Variants in AFAP1L2 observed in about 807,000 individuals in gnomAD.
AFAP1L2 encodes actin filament associated protein 1 like 2.
In AFAP1L2, 46 loss-of-function variants were observed where a neutral mutation model predicts 99.3. The observed-to-expected ratio is 0.46, with a 90% CI of 0.37 to 0.59. The LOEUF (loss-of-function observed/expected upper bound fraction) is 0.59, where lower values mean the gene tolerates loss of function less well. Ranked by LOEUF, AFAP1L2 falls within the 20% of genes least tolerant of loss-of-function variation. The probability of loss-of-function intolerance (pLI) is 0.00; values close to 1 mark genes in which losing one functional copy is unlikely to be tolerated. For synonymous variants in AFAP1L2, 397 were observed against 419.1 expected (o/e 0.95, Z 0.64); for missense variants, 959 against 1,034.9 (o/e 0.93, Z 1.01).
At chr10:114,319,739 C>T in intron 5 of AFAP1L2, 1 of 935,010 alleles carries the variant, frequency 1.1e-6, no homozygotes, top group Admixed American at 2.5e-5. Flanking sequence ...AAGAGAGAGA[C>T]CCAGATGTGG....
chr10:114,382,603 T>C (rs2137485669), intron 1 of AFAP1L2, among the ~76,000 whole-genome samples: 2 of 147,736 alleles, frequency 1.4e-5, no homozygotes, highest in African/African-American at 5.0e-5. Flanking sequence ...TTTTTTTTTT[T>C]TTTTTTTGAG....
intron 2 of AFAP1L2, among the ~76,000 whole-genome samples, chr10:114,336,366 C>T (rs1371103099): frequency 6.6e-6 from 1 of 152,230 alleles, no homozygotes; most frequent in African/African-American, 2.4e-5. Flanking sequence ...AACTATCTGA[C>T]GAAGTGCATT....
At chr10:114,337,460 G>A (rs1482263337) in intron 2 of AFAP1L2, among the ~76,000 whole-genome samples, 2 of 152,248 alleles carry the variant, frequency 1.3e-5, no homozygotes, top group African/African-American at 2.4e-5. Flanking sequence ...CTATTAACAA[G>A]TGGGCTTCGC....
intron 6 of AFAP1L2, among the ~76,000 whole-genome samples, chr10:114,314,375 G>A (rs936602246): frequency 1.3e-5 from 2 of 152,186 alleles, no homozygotes; most frequent in Non-Finnish European, 1.5e-5. Context: ...TGTGTTCACC[G>A]TTCAGTTCTC....
At chr10:114,396,522 G>A (rs1047104765) in intron 1 of AFAP1L2, among the ~76,000 whole-genome samples, 9 of 152,238 alleles carry the variant, frequency 5.9e-5, no homozygotes, top group African/African-American at 1.7e-4. Context: ...GTGTTATTTC[G>A]ATAAATCATG....
chr10:114,328,881 T>G (rs2046827745), intron 4 of AFAP1L2, among the ~76,000 whole-genome samples: 1 of 152,120 alleles, frequency 6.6e-6, no homozygotes, highest in South Asian at 2.1e-4. Flanking sequence ...CCACACCACA[T>G]CTGGAACACC....
chr10:114,387,053 T>C (rs1304864054), intron 1 of AFAP1L2, among the ~76,000 whole-genome samples: 1 of 152,172 alleles, frequency 6.6e-6, no homozygotes, highest in African/African-American at 2.4e-5. Context: ...CACCCAACCC[T>C]GGGTCTCCAT....
the AFAP1L2 span, among the ~76,000 whole-genome samples, chr10:114,288,531 G>A: frequency 6.6e-6 from 1 of 152,242 alleles, no homozygotes; most frequent in Non-Finnish European, 1.5e-5. Flanking sequence ...ACAGTTCAGA[G>A]GTGAGTGGCC....
At chr10:114,335,969 A>G (rs1314642857) in intron 2 of AFAP1L2, among the ~76,000 whole-genome samples, 1 of 151,278 alleles carries the variant, frequency 6.6e-6, no homozygotes, top group South Asian at 2.1e-4. Context: ...ATTTTTTTTT[A>G]TATCATTAAC....
At chr10:114,291,538 G>A (rs1048001382), downstream of AFAP1L2, 6 of 371,762 alleles carry the variant, frequency 1.6e-5, no homozygotes, top group Non-Finnish European at 2.4e-5. Flanking sequence ...TTGAGGCTAT[G>A]TCATCTGCCA....
chr10:114,284,293 C>T, the AFAP1L2 span, among the ~76,000 whole-genome samples: 55 of 152,306 alleles, frequency 3.6e-4, no homozygotes, highest in African/African-American at 5.5e-4. Flanking sequence ...AGACTTTCTG[C>T]GGATTAATTC....
At position 114,304,874 on chromosome 10, in the gene AFAP1L2, C is replaced by T. The variant is rs376336065; in HGVS notation, c.1129G>A (p.Asp377Asn). 25 of 1,613,332 alleles carry T rather than the reference C, an allele frequency of 1.5e-5. No individual in the cohort carries two copies. The African/African-American group carries it at 2.0e-4, about 13-fold the overall frequency. Residue 377 changes from aspartate (D) to asparagine (N), a missense_variant, in exon 11 of 19, where the codon GAC becomes AAC. Around this residue, in one of 2 missense-constraint regions of AFAP1L2, gnomAD observed 576 missense variants for 562.1 expected, o/e 1.02. Coordinates refer to ENST00000304129, the MANE Select transcript of AFAP1L2 (RefSeq NM_001001936.3). The part of the protein sequence containing the change: ...QWKSRWCSVR[D>N]NHLHFYQDRN... ...TCCTGGTAGAAGTGCAGGTGATTGT[C>T]CCTGACAGAGCACCAGCGAGACTTC... is the stretch of plus-strand genomic sequence containing the variant.
chr10:114,284,632 G>A, the AFAP1L2 span, among the ~76,000 whole-genome samples: 1 of 152,146 alleles, frequency 6.6e-6, no homozygotes, highest in African/African-American at 2.4e-5. Context: ...CATCACACAG[G>A]GCCTTACCAA....
intron 2 of AFAP1L2, among the ~76,000 whole-genome samples, chr10:114,337,981 G>A (rs1027428476): frequency 1.3e-5 from 2 of 152,170 alleles, no homozygotes; most frequent in Non-Finnish European, 2.9e-5. Flanking sequence ...CACTCCCGGC[G>A]GCAGGCGGGC....
At chr10:114,347,563 C>G (rs2049793924) in intron 1 of AFAP1L2, among the ~76,000 whole-genome samples, 4 of 152,262 alleles carry the variant, frequency 2.6e-5, no homozygotes, top group South Asian at 4.1e-4. Context: ...GCACCCTTGA[C>G]CTCCCAGACT....
intron 3 of AFAP1L2, among the ~76,000 whole-genome samples, chr10:114,332,411 G>A (rs544954876): frequency 1.3e-5 from 2 of 152,320 alleles, no homozygotes; most frequent in Non-Finnish European, 2.9e-5. Context: ...GAAAGGTGCC[G>A]AAGACACTTC....
intron 10 of AFAP1L2, among the ~76,000 whole-genome samples, chr10:114,305,543 C>CTGCAGGAGGGGACGCAGA (rs2042112808): frequency 1.2e-5 from 1 of 82,588 alleles, no homozygotes; most frequent in Non-Finnish European, 2.4e-5. Context: ...GGGGTTGGGG[C>CTGCAGGAGGGGACGCAGA]TGCAGGAGGG....
chr10:114,387,840 T>TA (rs1217400003), intron 1 of AFAP1L2, among the ~76,000 whole-genome samples: 17 of 152,176 alleles, frequency 1.1e-4, no homozygotes, highest in African/African-American at 4.1e-4. Flanking sequence ...TGGAAGACTC[T>TA]GGGTAGGTCA....
intron 1 of AFAP1L2, among the ~76,000 whole-genome samples, chr10:114,395,702 C>T (rs2057630041): frequency 6.6e-6 from 1 of 152,162 alleles, no homozygotes; most frequent in African/African-American, 2.4e-5. Flanking sequence ...GTCCCCTAAA[C>T]CCAAACAGAT....
Sources: allele counts gnomAD v4.1 joint callset (sites outside exome capture counted in the v4.1 genomes callset), GRCh38; gene constraint gnomAD v4.1.1; regional missense constraint gnomAD v4.1.1; transcripts MANE v1.5; gene names NCBI Gene and HGNC (gene_info 2026-07-23, HGNC 2026-07-21).